Variants in NR3C2 observed in about 807,000 individuals in gnomAD.
NR3C2 encodes mineralocorticoid receptor.
NR3C2 carries 15 observed loss-of-function variants against 86.4 expected under a neutral mutation model. The observed-to-expected ratio is 0.17, with a 90% confidence interval of 0.12 to 0.27. NR3C2 has a LOEUF of 0.27. NR3C2 is among the 10% of genes least tolerant of loss of function. The pLI is 1.00. For missense variants in NR3C2, 960 were observed against 1,195.6 expected (o/e 0.80, Z 2.91); for synonymous variants, 458 against 450.5 (o/e 1.02, Z -0.21).
At chr4:148,188,089 C>T (rs1447913029) in intron 4 of NR3C2, among the ~76,000 whole-genome samples, 3 of 152,134 alleles carry the variant, frequency 2.0e-5, no homozygotes, top group Admixed American at 2.0e-4. Flanking sequence ...TATTTTTATA[C>T]CGGTACTACA....
At position 148,274,359 on chromosome 4, in the gene NR3C2, A is replaced by G. The variant is rs187661163; in HGVS notation, c.1758-14242T>C. Reference sequence around the variant, plus strand: ...AAATAATGGCACAGATAAATTTGAGAGTGATATGGTTTGGCTCTGTGCCCC... The same window carrying G: ...AAATAATGGCACAGATAAATTTGAGGGTGATATGGTTTGGCTCTGTGCCCC... On this transcript the variant is annotated intron_variant, in intron 2 of 8. Transcript: ENST00000358102. Among the ~76,000 whole-genome samples, 715 of 152,288 alleles carry G rather than the reference A, an allele frequency of 4.7e-3. 4 individuals carry two copies. Among genetic ancestry groups the G allele is most frequent in the Middle Eastern group, 0.031 (9 of 294 alleles).
At chr4:148,187,923 C>T (rs1008385918) in intron 4 of NR3C2, among the ~76,000 whole-genome samples, 1 of 152,162 alleles carries the variant, frequency 6.6e-6, no homozygotes, top group Non-Finnish European at 1.5e-5. Flanking sequence ...GATCCAGTTT[C>T]ATTCTCCTAC....
intron 6 of NR3C2, among the ~76,000 whole-genome samples, chr4:148,136,894 C>A (rs1216767381): frequency 6.6e-6 from 1 of 152,164 alleles, no homozygotes; most frequent in Non-Finnish European, 1.5e-5. Context: ...AGTAACTCAC[C>A]AGCTACACTA....
chr4:148,278,990 C>T (rs527958257), intron 2 of NR3C2, among the ~76,000 whole-genome samples: 4 of 152,038 alleles, frequency 2.6e-5, no homozygotes, highest in East Asian at 1.9e-4. Context: ...AGTGAAACCC[C>T]GTCCCTACTA....
intron 8 of NR3C2, among the ~76,000 whole-genome samples, chr4:148,084,039 C>T (rs1255776232): frequency 6.6e-6 from 1 of 152,094 alleles, no homozygotes; most frequent in Non-Finnish European, 1.5e-5. Flanking sequence ...ACCAAATCTA[C>T]GTTTAATTGG....
intron 2 of NR3C2, among the ~76,000 whole-genome samples, chr4:148,283,843 T>A (rs1175266246): frequency 6.6e-6 from 1 of 152,260 alleles, no homozygotes; most frequent in Non-Finnish European, 1.5e-5. Context: ...TATTATTTGA[T>A]GTTTACCAGT....
At chr4:148,443,212 C>A (rs1419296515), upstream of NR3C2, among the ~76,000 whole-genome samples, 2 of 117,072 alleles carry the variant, frequency 1.7e-5, no homozygotes, top group African/African-American at 7.2e-5. Context: ...ATCCCTTAGA[C>A]CCCTAACACC....
chr4:148,312,233 A>G (rs1266670759), intron 2 of NR3C2, among the ~76,000 whole-genome samples: 1 of 152,200 alleles, frequency 6.6e-6, no homozygotes, highest in Non-Finnish European at 1.5e-5. Context: ...TAAAAGACAA[A>G]GGTAACAAAT....
intron 3 of NR3C2, among the ~76,000 whole-genome samples, chr4:148,226,139 A>G (rs1162342310): frequency 6.6e-6 from 1 of 152,200 alleles, no homozygotes; most frequent in Non-Finnish European, 1.5e-5. Context: ...AAATTTCAGT[A>G]AGATCTTAAT....
chr4:148,361,571 T>C (rs759560490), intron 2 of NR3C2, among the ~76,000 whole-genome samples: 2 of 152,146 alleles, frequency 1.3e-5, no homozygotes, highest in Non-Finnish European at 2.9e-5. Context: ...GGGCTCTGGT[T>C]TTAATCTCAA....
At chr4:148,441,049 T>G (rs977512376) in intron 1 of NR3C2, among the ~76,000 whole-genome samples, 1 of 152,180 alleles carries the variant, frequency 6.6e-6, no homozygotes, top group African/African-American at 2.4e-5. Flanking sequence ...ACTATTATGT[T>G]CCTCTCTTTT....
At chr4:148,368,469 A>C (rs1288934714) in intron 2 of NR3C2, 1 of 152,214 alleles carries the variant, frequency 6.6e-6, no homozygotes, top group Non-Finnish European at 1.5e-5. Flanking sequence ...TATTGTTATT[A>C]CATCATAATG....
chr4:148,173,850 G>A (rs186084256), intron 4 of NR3C2, among the ~76,000 whole-genome samples: 21 of 152,286 alleles, frequency 1.4e-4, no homozygotes, highest in Admixed American at 1.2e-3. Flanking sequence ...TGAAGCGAAG[G>A]AGCGTGGGCG....
chr4:148,421,198 T>TA (rs1226558107), intron 2 of NR3C2, among the ~76,000 whole-genome samples: 5 of 152,184 alleles, frequency 3.3e-5, no homozygotes, highest in Non-Finnish European at 5.9e-5. Flanking sequence ...AAAATATACA[T>TA]AAAATTTGCC....
chr4:148,152,736 C>A (rs1734160301), intron 5 of NR3C2, 123 bp from the exon 6 acceptor site: 1 of 910,886 alleles, frequency 1.1e-6, no homozygotes, highest in Non-Finnish European at 1.7e-6. Flanking sequence ...CTGACAGACT[C>A]AAATCAATTC....
At chr4:148,362,391 A>G (rs1408032045) in intron 2 of NR3C2, among the ~76,000 whole-genome samples, 3 of 152,202 alleles carry the variant, frequency 2.0e-5, no homozygotes, top group African/African-American at 4.8e-5. Context: ...TCTGATCACT[A>G]TATGTGTATT....
intron 2 of NR3C2, among the ~76,000 whole-genome samples, chr4:148,377,618 T>C (rs915197902): frequency 2.6e-5 from 4 of 152,148 alleles, no homozygotes; most frequent in African/African-American, 9.7e-5. Flanking sequence ...GTGTCCTATA[T>C]CATAGTAACA....
intron 4 of NR3C2, among the ~76,000 whole-genome samples, chr4:148,167,593 T>C (rs1297008424): frequency 1.3e-5 from 2 of 152,212 alleles, no homozygotes; most frequent in African/African-American, 4.8e-5. Context: ...GTTTCTGAAG[T>C]ATTACGCTTA....
chr4:148,271,079 A>C (rs1740660315), intron 2 of NR3C2, among the ~76,000 whole-genome samples: 1 of 152,180 alleles, frequency 6.6e-6, no homozygotes, highest in Admixed American at 6.6e-5. Flanking sequence ...ATAGGTCTTC[A>C]AGCGCAAACA....
Sources: gnomAD v4.1 joint callset for allele counts (sites outside exome capture counted in the v4.1 genomes callset) on GRCh38, gnomAD v4.1.1 for gene constraint, MANE v1.5 for transcripts, NCBI Gene and HGNC (gene_info 2026-07-23, HGNC 2026-07-21) for gene names.